DCAF6: variants seen among roughly 807,000 people sequenced by gnomAD.
DCAF6 encodes DDB1- and CUL4-associated factor 6.
A neutral mutation model predicts 125.1 loss-of-function variants in DCAF6; 54 were observed. The observed-to-expected ratio is 0.43, with a 90% CI of 0.35 to 0.54. The LOEUF (loss-of-function observed/expected upper bound fraction) is 0.54, where lower values mean the gene tolerates loss of function less well. DCAF6 is among the 20% of genes least tolerant of loss of function. The pLI, the probability that DCAF6 is intolerant of heterozygous loss-of-function variation, is 0.01. For synonymous variants in DCAF6, 371 were observed against 390.4 expected (o/e 0.95, Z 0.58); for missense variants, 934 against 1,161.7 (o/e 0.80, Z 2.85).
chr1:167,976,880 T>G (rs1430331557), intron 4 of DCAF6, among the ~76,000 whole-genome samples: 3 of 143,902 alleles, frequency 2.1e-5, no homozygotes, highest in East Asian at 2.1e-4. Flanking sequence ...GGTACATCCT[T>G]TAGCAGTTTT....
At chr1:167,975,867 T>G (rs1678071475) in intron 4 of DCAF6, among the ~76,000 whole-genome samples, 1 of 152,216 alleles carries the variant, frequency 6.6e-6, no homozygotes, top group Non-Finnish European at 1.5e-5. Context: ...AGTGTTCTTC[T>G]GAAATACTTG....
chr1:168,050,778 A>C (rs747191406), intron 16 of DCAF6, 114 bp from the exon 17 acceptor site: 2 of 535,760 alleles, frequency 3.7e-6, no homozygotes, highest in East Asian at 6.6e-5. Flanking sequence ...GGGAAACAAA[A>C]GTTTTTTTTT....
At chr1:168,042,959 T>C (rs1254329633) in intron 13 of DCAF6, 66 bp from the exon 14 acceptor site, 3 of 1,210,526 alleles carry the variant, frequency 2.5e-6, no homozygotes, top group Admixed American at 4.4e-5. Flanking sequence ...TTGTAAAATA[T>C]AAAAATCCTA....
chr1:168,065,794 C>T (rs1414935924), intron 19 of DCAF6, 48 bp downstream of exon 19: 2 of 1,489,076 alleles, frequency 1.3e-6, no homozygotes, highest in Non-Finnish European at 1.8e-6. Context: ...TTGTATGACT[C>T]ATCAGTCATA....
chr1:167,989,011 C>T (rs549795167), intron 5 of DCAF6, among the ~76,000 whole-genome samples: 3 of 150,572 alleles, frequency 2.0e-5, no homozygotes, highest in African/African-American at 7.3e-5. Flanking sequence ...TCCTGGGAGG[C>T]GGAGGTTGCA....
At chr1:167,931,225 C>A (rs1263363820), upstream of DCAF6, among the ~76,000 whole-genome samples, 3 of 152,200 alleles carry the variant, frequency 2.0e-5, no homozygotes, top group African/African-American at 7.2e-5. Flanking sequence ...AGCTACCGCG[C>A]CCAGCTGATA....
chr1:167,906,834 A>C, the DCAF6 span, among the ~76,000 whole-genome samples: 1 of 152,056 alleles, frequency 6.6e-6, no homozygotes, highest in Non-Finnish European at 1.5e-5. Flanking sequence ...AAGAAAATTG[A>C]ATGTCGAGAA....
the DCAF6 span, chr1:167,917,756 A>G: frequency 6.6e-6 from 1 of 152,260 alleles, no homozygotes; most frequent in Non-Finnish European, 1.5e-5. Context: ...ATGTTAAAAC[A>G]TTATCTCATT....
At chr1:168,020,250 G>A (rs2103220583) in intron 11 of DCAF6, among the ~76,000 whole-genome samples, 1 of 152,288 alleles carries the variant, frequency 6.6e-6, no homozygotes, top group South Asian at 2.1e-4. Flanking sequence ...TGGAGAAACT[G>A]AGACTTAGAC....
rs1672751883 is a variant in DCAF6, at chr1:167,944,455, T to C, written c.98-7345T>C. Among the ~76,000 whole-genome samples the C allele has an allele frequency of 2.0e-5, 3 of 152,258 alleles. No homozygotes were observed. In the East Asian group the frequency reaches 5.8e-4, roughly 29 times the overall value. On this transcript the variant is annotated intron_variant, in intron 1 of 21. Coordinates refer to ENST00000367840, the MANE Select transcript of DCAF6 (RefSeq NM_001198956.2). The stretch of plus-strand genomic sequence containing the variant: ...CCAATGGTATATAAGAGTTCCCTTT[T>C]TTTCACATGATAACCAACATTGTCT...
chr1:167,865,974 C>T, the DCAF6 span, among the ~76,000 whole-genome samples: 4 of 152,202 alleles, frequency 2.6e-5, no homozygotes, highest in Admixed American at 6.5e-5. Flanking sequence ...ATCCAGCCTC[C>T]GTCTCCCAAC....
the DCAF6 span, chr1:167,904,072 C>T: frequency 1.4e-5 from 8 of 571,680 alleles, no homozygotes; most frequent in African/African-American, 2.0e-5. Context: ...TGGAAGGCAG[C>T]GGGCCTCAGC....
the DCAF6 span, among the ~76,000 whole-genome samples, chr1:167,912,450 TG>T: frequency 6.6e-6 from 1 of 152,200 alleles, no homozygotes; most frequent in Admixed American, 6.5e-5. Flanking sequence ...CATGGCACCC[TG>T]CATTTGCATA....
intron 21 of DCAF6, among the ~76,000 whole-genome samples, chr1:168,069,030 A>T (rs1692716182): frequency 1.3e-5 from 2 of 152,184 alleles, no homozygotes; most frequent in Non-Finnish European, 2.9e-5. Context: ...CACTGATTTC[A>T]TAAATGTCCC....
chr1:167,985,213 TGTG>T (rs1679812583), intron 4 of DCAF6, among the ~76,000 whole-genome samples: 1 of 141,116 alleles, frequency 7.1e-6, no homozygotes, highest in African/African-American at 2.7e-5. Context: ...GTGTGTGTGG[TGTG>T]TGTGTGTGTG....
At chr1:167,975,970 T>C (rs1250642498) in intron 4 of DCAF6, among the ~76,000 whole-genome samples, 2 of 152,232 alleles carry the variant, frequency 1.3e-5, no homozygotes, top group African/African-American at 4.8e-5. Flanking sequence ...CCAGTTCTTT[T>C]ATGTCCTCAT....
At chr1:167,954,926 A>G (rs1003300285) in intron 2 of DCAF6, among the ~76,000 whole-genome samples, 3 of 152,192 alleles carry the variant, frequency 2.0e-5, no homozygotes, top group Non-Finnish European at 4.4e-5. Context: ...TTCCTTACAC[A>G]TCACCCTCAA....
At chr1:168,073,120 G>A (rs1256763391) in intron 21 of DCAF6, among the ~76,000 whole-genome samples, 1 of 151,988 alleles carries the variant, frequency 6.6e-6, no homozygotes, top group Non-Finnish European at 1.5e-5. Context: ...AGGTTGCAGT[G>A]AGCCAAGATC....
intron 7 of DCAF6, among the ~76,000 whole-genome samples, chr1:167,994,562 T>C (rs192917928): frequency 6.2e-4 from 94 of 152,292 alleles, no homozygotes; most frequent in African/African-American, 2.2e-3. Context: ...TTAAAGTAGT[T>C]GTATATATTG....
Sources: allele counts gnomAD v4.1 joint callset (sites outside exome capture counted in the v4.1 genomes callset), GRCh38; gene constraint gnomAD v4.1.1; transcripts MANE v1.5; gene names NCBI Gene and HGNC (gene_info 2026-07-23, HGNC 2026-07-21).